Variants in DPP6 observed in about 807,000 individuals in gnomAD.
The protein encoded by DPP6 is A-type potassium channel modulatory protein DPP6.
In DPP6, 69 loss-of-function variants were observed where a neutral mutation model predicts 122.6. The observed-to-expected ratio is 0.56, with a 90% CI of 0.46 to 0.69. The LOEUF is 0.69. Among genes scored for constraint, DPP6 ranks in the 30% least tolerant of loss-of-function variants. DPP6 has a pLI of 0.00. For missense variants in DPP6, 928 were observed against 1,116.9 expected, an observed-to-expected ratio of 0.83 and a Z score of 2.41; for synonymous variants, 418 against 433.1, an observed-to-expected ratio of 0.97 and a Z score of 0.43.
chr7:154,594,309 C>T (rs6952728), intron 5 of DPP6, among the ~76,000 whole-genome samples: 27,441 of 152,128 alleles, frequency 0.18, 3,876 homozygotes, highest in African/African-American at 0.39. Context: ...CGACAGCTCA[C>T]GGGTGTAGGG....
At chr7:154,389,791 T>C (rs1420371833) in intron 1 of DPP6, among the ~76,000 whole-genome samples, 1 of 152,188 alleles carries the variant, frequency 6.6e-6, no homozygotes, top group Non-Finnish European at 1.5e-5. Context: ...CACGATAACT[T>C]TCATACATAG....
chr7:154,418,323 AAG>A (rs1224967110), intron 1 of DPP6, among the ~76,000 whole-genome samples: 1 of 152,256 alleles, frequency 6.6e-6, no homozygotes, highest in Non-Finnish European at 1.5e-5. Context: ...TTCTTCTTAC[AAG>A]ATTGTAAATT....
chr7:153,934,957 C>G (rs546347752), intron 1 of DPP6, among the ~76,000 whole-genome samples: 2 of 152,322 alleles, frequency 1.3e-5, no homozygotes, highest in South Asian at 4.1e-4. Flanking sequence ...AAGGCTTCGG[C>G]ACTGAGGTAG....
At chr7:154,733,673 T>C (rs1489987915) in intron 8 of DPP6, among the ~76,000 whole-genome samples, 1 of 152,120 alleles carries the variant, frequency 6.6e-6, no homozygotes, top group African/African-American at 2.4e-5. Flanking sequence ...TGCAGTGTAG[T>C]AGATCACAGT....
intron 1 of DPP6, among the ~76,000 whole-genome samples, chr7:154,377,751 C>A (rs546087410): frequency 1.2e-4 from 18 of 152,286 alleles, no homozygotes; most frequent in African/African-American, 4.1e-4. Context: ...TTAATAAAAT[C>A]TCTTCTCTTT....
intron 1 of DPP6, among the ~76,000 whole-genome samples, chr7:153,893,906 G>A (rs1799305007): frequency 6.6e-6 from 1 of 152,208 alleles, no homozygotes; most frequent in Admixed American, 6.5e-5. Flanking sequence ...GCTCTGATTG[G>A]TGAGTTGACT....
At chr7:154,244,430 G>A (rs1801841197) in intron 1 of DPP6, among the ~76,000 whole-genome samples, 1 of 152,092 alleles carries the variant, frequency 6.6e-6, no homozygotes, top group South Asian at 2.1e-4. Context: ...ACCAGAAAAT[G>A]ATAATTACAG....
chr7:154,025,052 A>G (rs564437219), intron 1 of DPP6, among the ~76,000 whole-genome samples: 1 of 152,314 alleles, frequency 6.6e-6, no homozygotes, highest in East Asian at 1.9e-4. Flanking sequence ...TTGGGGGAGG[A>G]GGCAGCTCTA....
intron 3 of DPP6, among the ~76,000 whole-genome samples, chr7:154,498,689 C>A (rs950898406): frequency 6.6e-6 from 1 of 152,136 alleles, no homozygotes; most frequent in Non-Finnish European, 1.5e-5. Context: ...ATCAAGGACC[C>A]AGGCTTCTAG....
At chr7:154,355,903 C>A (rs928408903) in intron 1 of DPP6, among the ~76,000 whole-genome samples, 6 of 152,054 alleles carry the variant, frequency 3.9e-5, no homozygotes, top group African/African-American at 1.4e-4. Flanking sequence ...AGATTGCATT[C>A]TATGAAAGAT....
intron 6 of DPP6, among the ~76,000 whole-genome samples, chr7:154,651,575 G>A (rs936995): frequency 0.66 from 100,904 of 151,930 alleles, 34,335 homozygotes; most frequent in South Asian, 0.82. Context: ...TTGCAGTGCC[G>A]CGGGGCCCTA....
intron 1 of DPP6, among the ~76,000 whole-genome samples, chr7:154,172,953 A>T (rs1797612838): frequency 6.6e-6 from 1 of 152,100 alleles, no homozygotes; most frequent in African/African-American, 2.4e-5. Context: ...AAAACATTAT[A>T]TGTGTGTCTT....
the DPP6 span, among the ~76,000 whole-genome samples, chr7:153,830,724 T>C: frequency 1.3e-5 from 2 of 152,200 alleles, no homozygotes; most frequent in Non-Finnish European, 2.9e-5. Flanking sequence ...TAGAATTTTA[T>C]CTCATACCGA....
intron 13 of DPP6, among the ~76,000 whole-genome samples, chr7:154,802,836 C>CA (rs537624311): frequency 0.072 from 7,917 of 110,684 alleles, 517 homozygotes; most frequent in African/African-American, 0.18. Flanking sequence ...GACACTGTCT[C>CA]AAAAAAAAAA....
chr7:154,366,460 G>A (rs551998061), intron 1 of DPP6, among the ~76,000 whole-genome samples: 54 of 152,278 alleles, frequency 3.5e-4, no homozygotes, highest in African/African-American at 1.2e-3. Flanking sequence ...CTTCAGAATC[G>A]GCACAGTGGT....
At chr7:153,884,090 C>T (rs1798829402), upstream of DPP6, among the ~76,000 whole-genome samples, 1 of 152,058 alleles carries the variant, frequency 6.6e-6, no homozygotes, top group Non-Finnish European at 1.5e-5. Context: ...ACACATGTGC[C>T]ATGTTGGTGT....
At chr7:154,458,531 A>G (rs1821001703) in intron 2 of DPP6, among the ~76,000 whole-genome samples, 2 of 152,194 alleles carry the variant, frequency 1.3e-5, no homozygotes, top group Non-Finnish European at 2.9e-5. Flanking sequence ...CCCTGCTGAC[A>G]CTTGTATTTG....
At chr7:153,929,397 G>A (rs1282500862) in intron 1 of DPP6, among the ~76,000 whole-genome samples, 5 of 152,048 alleles carry the variant, frequency 3.3e-5, no homozygotes, top group Non-Finnish European at 7.4e-5. Context: ...TGGGAGAAGC[G>A]GTTTGGGGTT....
Position 154,461,097 on chromosome 7 carries a change from G to C in DPP6, c.359-13842G>C, listed in dbSNP as rs147550978. On this transcript the variant is annotated intron_variant, in intron 2 of 25. Coordinates refer to ENST00000377770, the MANE Select transcript of DPP6 (RefSeq NM_130797.4). Reference sequence around the variant, plus strand: ...GGCTCCCACAAATAAATGAGAACATGCCAAGTATGTCTTTCTGTGCCAAGT... The same window carrying C: ...GGCTCCCACAAATAAATGAGAACATCCCAAGTATGTCTTTCTGTGCCAAGT... 7.0e-3 allele frequency among the ~76,000 whole-genome samples: 1,056 copies of C among 151,016 alleles called. 8 individuals carry two copies. The highest frequency in any genetic ancestry group is 0.011 in the Admixed American group (162 of 15,132).
Sources: allele counts gnomAD v4.1 joint callset (sites outside exome capture counted in the v4.1 genomes callset), GRCh38; gene constraint gnomAD v4.1.1; transcripts MANE v1.5; gene names NCBI Gene and HGNC (gene_info 2026-07-23, HGNC 2026-07-21).